Variants in ARHGAP22 observed in about 807,000 individuals in gnomAD.
ARHGAP22 encodes the protein Rho GTPase activating protein 22.
Under a neutral mutation model 59.1 loss-of-function variants are expected in ARHGAP22, and 48 were observed. The ratio of observed to expected loss-of-function variants is 0.81; its 90% CI spans 0.64 to 1.03. The LOEUF is 1.03. Ranked by LOEUF, ARHGAP22 falls within the 50% of genes least tolerant of loss-of-function variation. The probability of loss-of-function intolerance (pLI) is 0.00; values close to 1 mark genes in which losing one functional copy is unlikely to be tolerated. For synonymous variants in ARHGAP22, 445 were observed against 416.4 expected (o/e 1.07, Z -0.84); for missense variants, 1,015 against 958.7 (o/e 1.06, Z -0.78).
At chr10:48,539,402 C>T (rs1400993653) in intron 3 of ARHGAP22, among the ~76,000 whole-genome samples, 1 of 149,246 alleles carries the variant, frequency 6.7e-6, no homozygotes, top group Admixed American at 6.7e-5. Flanking sequence ...CGCCATTCTC[C>T]TGCCTCAGCC....
intron 3 of ARHGAP22, among the ~76,000 whole-genome samples, chr10:48,484,964 G>A (rs2049706556): frequency 6.6e-6 from 1 of 152,076 alleles, no homozygotes; most frequent in Admixed American, 6.5e-5. Context: ...GTTTTTAAAG[G>A]ACTAGATGGC....
In ARHGAP22 at chr10:48,539,245, T is replaced by C. The variant is rs565189710; in HGVS notation, c.322+16218A>G. Among the ~76,000 whole-genome samples the C allele has an allele frequency of 3.3e-5, 5 of 152,122 alleles. No individual in the cohort carries two copies. The East Asian group carries it at 7.7e-4, about 23-fold the overall frequency. On this transcript the variant is annotated intron_variant, in intron 3 of 9. Transcript: ENST00000249601. ...GGTTTAGTTCATTACTTTTGAATAATATTTTATTCATGTCATCTGCTAACA... is the reference window on the plus strand; with the variant it reads ...GGTTTAGTTCATTACTTTTGAATAACATTTTATTCATGTCATCTGCTAACA...
intron 9 of ARHGAP22, among the ~76,000 whole-genome samples, chr10:48,449,311 T>C (rs1020488494): frequency 5.3e-5 from 8 of 152,214 alleles, no homozygotes; most frequent in Non-Finnish European, 7.3e-5. Flanking sequence ...ACTTCCCCCA[T>C]GGCAGAGGCC....
upstream of ARHGAP22, among the ~76,000 whole-genome samples, chr10:48,605,372 A>T (rs1196306962): frequency 7.8e-6 from 1 of 128,408 alleles, no homozygotes; most frequent in Non-Finnish European, 1.6e-5. Context: ...GGACCCGCTT[A>T]TGAGCTCACT....
chr10:48,455,434 C>T (rs1362096077), intron 5 of ARHGAP22, among the ~76,000 whole-genome samples: 12 of 152,200 alleles, frequency 7.9e-5, no homozygotes, highest in South Asian at 2.1e-4. Context: ...TGTGTCAGTC[C>T]GTCCAGAACC....
Position 48,555,555 on chromosome 10 carries a change from A to G in ARHGAP22, c.235-5T>C, listed in dbSNP as rs2057245230. 2 of 1,613,144 alleles carry G rather than the reference A, an allele frequency of 1.2e-6. No individual in the cohort carries two copies. Among genetic ancestry groups the G allele is most frequent in the African/African-American group, 2.7e-5 (2 of 74,886 alleles). On this transcript the variant is annotated splice_region_variant and splice_polypyrimidine_tract_variant and intron_variant, in intron 2 of 9. Coordinates refer to ENST00000249601, the MANE Select transcript of ARHGAP22 (RefSeq NM_021226.4). ...CCCTTGTAGAGAAATAAATCCCTAA[A>G]AAGGAGGCAAACACAAACACAGGGA...
intron 3 of ARHGAP22, among the ~76,000 whole-genome samples, chr10:48,502,313 C>T (rs1190063008): frequency 6.6e-6 from 1 of 152,164 alleles, no homozygotes; most frequent in Non-Finnish European, 1.5e-5. Context: ...ATTTTTCTCC[C>T]AGGGACAATT....
At chr10:48,586,609 CCAAA>C (rs1344253638) in intron 1 of ARHGAP22, among the ~76,000 whole-genome samples, 3 of 152,178 alleles carry the variant, frequency 2.0e-5, no homozygotes, top group East Asian at 1.9e-4. Context: ...CTGTATTACA[CCAAA>C]CAATTATGCC....
intron 1 of ARHGAP22, among the ~76,000 whole-genome samples, chr10:48,596,191 T>C (rs2060057656): frequency 1.3e-5 from 2 of 152,248 alleles, no homozygotes; most frequent in African/African-American, 2.4e-5. Flanking sequence ...AAGTGTTTGC[T>C]CTTTACTTCC....
At chr10:48,599,707 C>T (rs1205307932) in intron 1 of ARHGAP22, among the ~76,000 whole-genome samples, 1 of 152,214 alleles carries the variant, frequency 6.6e-6, no homozygotes, top group Non-Finnish European at 1.5e-5. Flanking sequence ...GCTCTGTGGC[C>T]CATCAGTTCC....
At chr10:48,439,991 G>T in the ARHGAP22 span, among the ~76,000 whole-genome samples, 1 of 152,222 alleles carries the variant, frequency 6.6e-6, no homozygotes, top group East Asian at 1.9e-4. Flanking sequence ...TTTCATCACC[G>T]TCATAGAGAG....
At chr10:48,561,805 G>A (rs2057704393) in intron 2 of ARHGAP22, among the ~76,000 whole-genome samples, 1 of 152,214 alleles carries the variant, frequency 6.6e-6, no homozygotes, top group African/African-American at 2.4e-5. Flanking sequence ...ATATCTATTA[G>A]ATAAAGTAAA....
chr10:48,493,036 A>G (rs1333275443), intron 3 of ARHGAP22, among the ~76,000 whole-genome samples: 2 of 152,144 alleles, frequency 1.3e-5, no homozygotes, highest in African/African-American at 4.8e-5. Context: ...AACACATCTC[A>G]ATTTGGACTA....
intron 3 of ARHGAP22, among the ~76,000 whole-genome samples, chr10:48,514,944 C>A (rs1029262880): frequency 6.6e-6 from 1 of 151,972 alleles, no homozygotes; most frequent in South Asian, 2.1e-4. Context: ...TAAAAGAATA[C>A]CATGAAGAAA....
chr10:48,519,626 G>A (rs887017300), intron 3 of ARHGAP22, among the ~76,000 whole-genome samples: 1 of 152,260 alleles, frequency 6.6e-6, no homozygotes, highest in African/African-American at 2.4e-5. Context: ...ATCCCCAGCG[G>A]CAGACCCAGG....
At chr10:48,472,114 G>C (rs996782436) in intron 4 of ARHGAP22, among the ~76,000 whole-genome samples, 2 of 152,144 alleles carry the variant, frequency 1.3e-5, no homozygotes, top group African/African-American at 4.8e-5. Context: ...GGCTGAGGCA[G>C]GAGAATCGCT....
At chr10:48,476,361 C>A (rs1047724317) in intron 4 of ARHGAP22, among the ~76,000 whole-genome samples, 1 of 152,204 alleles carries the variant, frequency 6.6e-6, no homozygotes, top group African/African-American at 2.4e-5. Flanking sequence ...GCAGCAGGCA[C>A]GCCACCCACT....
At chr10:48,520,035 C>T (rs746916486) in intron 3 of ARHGAP22, among the ~76,000 whole-genome samples, 1 of 152,180 alleles carries the variant, frequency 6.6e-6, no homozygotes, top group Non-Finnish European at 1.5e-5. Flanking sequence ...TTGCGGTGGC[C>T]TCCAGGGCAG....
chr10:48,571,025 T>C (rs1371721051), intron 2 of ARHGAP22, among the ~76,000 whole-genome samples: 2 of 152,230 alleles, frequency 1.3e-5, no homozygotes, highest in African/African-American at 2.4e-5. Context: ...AGGATTTGGC[T>C]GAATGTAGTT....
Sources: allele counts gnomAD v4.1 joint callset (sites outside exome capture counted in the v4.1 genomes callset), GRCh38; gene constraint gnomAD v4.1.1; transcripts MANE v1.5; gene names NCBI Gene and HGNC (gene_info 2026-07-23, HGNC 2026-07-21).